Variants in IFT122 observed in about 807,000 individuals in gnomAD.
The protein encoded by IFT122 is intraflagellar transport 122.
A neutral mutation model predicts 161.6 loss-of-function variants in IFT122; 118 were observed. The observed-to-expected ratio is 0.73, with a 90% CI of 0.63 to 0.85. The LOEUF (loss-of-function observed/expected upper bound fraction) is 0.85, where lower values mean the gene tolerates loss of function less well. Ranked by LOEUF, IFT122 falls within the 40% of genes least tolerant of loss-of-function variation. IFT122 has a pLI of 0.00. For synonymous variants in IFT122, 550 were observed against 602.4 expected, an observed-to-expected ratio of 0.91 and a Z score of 1.27; for missense variants, 1,381 against 1,579.6, an observed-to-expected ratio of 0.87 and a Z score of 2.13.
At chr3:129,449,016 G>A (rs1398028127) in intron 1 of IFT122, among the ~76,000 whole-genome samples, 1 of 152,136 alleles carries the variant, frequency 6.6e-6, no homozygotes, top group Non-Finnish European at 1.5e-5. Context: ...GCCTATCTAT[G>A]TTTGCAGCTC....
At chr3:129,444,860 G>A (rs1219411140) in intron 1 of IFT122, among the ~76,000 whole-genome samples, 1 of 152,204 alleles carries the variant, frequency 6.6e-6, no homozygotes, top group Non-Finnish European at 1.5e-5. Context: ...TTGAATAACT[G>A]TGAAGAGTTT....
chr3:129,461,331 C>T, intron 5 of IFT122, 27 bp downstream of exon 5: 1 of 1,537,130 alleles, frequency 6.5e-7, no homozygotes, highest in Non-Finnish European at 9.0e-7. Context: ...GATGTCCTGT[C>T]CTGGAATAAC....
At chr3:129,519,364 G>A (rs2084455781) in intron 28 of IFT122, among the ~76,000 whole-genome samples, 178 bp downstream of exon 28, 1 of 152,204 alleles carries the variant, frequency 6.6e-6, no homozygotes, top group South Asian at 2.1e-4. Flanking sequence ...GGCTGCCCCC[G>A]AGGGACCATG....
At chr3:129,486,414 T>TG (rs2079288815) in intron 15 of IFT122, among the ~76,000 whole-genome samples, 2 of 152,248 alleles carry the variant, frequency 1.3e-5, no homozygotes, top group South Asian at 4.1e-4. Flanking sequence ...AAATTTCTAT[T>TG]ATTATTTCTC....
chr3:129,494,642 G>C (rs1167348093), intron 17 of IFT122, among the ~76,000 whole-genome samples: 2 of 152,104 alleles, frequency 1.3e-5, no homozygotes, highest in Non-Finnish European at 2.9e-5. Context: ...ACAAGCGAAT[G>C]TTCCCTGACA....
chr3:129,463,493 T>A, intron 5 of IFT122, 67 bp from the exon 6 acceptor site: 2 of 1,242,302 alleles, frequency 1.6e-6, no homozygotes, highest in Non-Finnish European at 2.4e-6. Flanking sequence ...TTCAATTATT[T>A]GTTCCTTTTT....
At chr3:129,464,072 A>G (rs1481232396) in intron 6 of IFT122, among the ~76,000 whole-genome samples, 1 of 152,260 alleles carries the variant, frequency 6.6e-6, no homozygotes, top group Non-Finnish European at 1.5e-5. Flanking sequence ...AGATAGGGAT[A>G]AAAATACTGA....
chr3:129,495,417 G>T (rs1413252851), intron 17 of IFT122, 29 bp from the exon 18 acceptor site: 3 of 1,613,250 alleles, frequency 1.9e-6, no homozygotes, highest in Non-Finnish European at 2.5e-6. Context: ...GGCTGCAGAG[G>T]CCATTTCCTT....
chr3:129,440,455 G>T, intron 1 of IFT122, 84 bp downstream of exon 1: 1 of 1,494,506 alleles, frequency 6.7e-7, no homozygotes, highest in Non-Finnish European at 9.1e-7. Flanking sequence ...TTTGAGGGGG[G>T]CAGCGGGCTT....
chr3:129,481,375 C>G (rs568668865), intron 13 of IFT122, 155 bp from the exon 14 acceptor site: 12 of 731,742 alleles, frequency 1.6e-5, no homozygotes, highest in Admixed American at 8.2e-5. Flanking sequence ...CCCCACCCCC[C>G]TCTTTCTTTT....
chr3:129,446,800 A>G (rs2074058762), intron 1 of IFT122, among the ~76,000 whole-genome samples: 1 of 152,058 alleles, frequency 6.6e-6, no homozygotes, highest in Non-Finnish European at 1.5e-5. Flanking sequence ...ACAGAGTTTG[A>G]TTTTTTGTTG....
chr3:129,450,478 TTCTG>T (rs1274839205), intron 2 of IFT122, among the ~76,000 whole-genome samples: 14 of 152,228 alleles, frequency 9.2e-5, no homozygotes, highest in Non-Finnish European at 1.9e-4. Flanking sequence ...TGATCTCTCT[TTCTG>T]TCTAAGTCTA....
At chr3:129,512,120 CCA>C (rs1461869015) in intron 23 of IFT122, among the ~76,000 whole-genome samples, 190 bp from the exon 24 acceptor site, 2 of 152,134 alleles carry the variant, frequency 1.3e-5, no homozygotes, top group Non-Finnish European at 2.9e-5. Context: ...AAAATGCATA[CCA>C]CAAGGTTATT....
intron 8 of IFT122, among the ~76,000 whole-genome samples, chr3:129,468,801 T>C (rs1425814439): frequency 6.6e-6 from 1 of 152,226 alleles, no homozygotes; most frequent in Non-Finnish European, 1.5e-5. Context: ...CCCATTGCTC[T>C]TTTTTGAAAA....
At chr3:129,461,819 C>T (rs911838584) in intron 5 of IFT122, among the ~76,000 whole-genome samples, 52 of 152,202 alleles carry the variant, frequency 3.4e-4, no homozygotes, top group African/African-American at 1.2e-3. Flanking sequence ...ATCCTGGCCA[C>T]GGTCCCGTGC....
At chr3:129,459,744 TCTTCCTTCCTTCCTTC>T (rs68095952) in intron 4 of IFT122, among the ~76,000 whole-genome samples, 15 of 98,630 alleles carry the variant, frequency 1.5e-4, no homozygotes, top group African/African-American at 5.2e-4. Flanking sequence ...CTCCCTCCCT[TCTTCCTTCCTTCCTTC>T]CTTCCTTCCT....
chr3:129,489,897 T>G (rs1371267130), intron 16 of IFT122, among the ~76,000 whole-genome samples: 1 of 150,736 alleles, frequency 6.6e-6, no homozygotes, highest in African/African-American at 2.4e-5. Context: ...GGAGGGAGCT[T>G]CCCTCTCCTG....
rs2080020147 is a variant in IFT122 at position 129,491,041 on chromosome 3, G to A, written c.1993-1100G>A. On this transcript the variant is annotated intron_variant, in intron 16 of 29. Transcript: ENST00000348417. ...TCTGTTTAATTGACCAGCTTTCCCTGTTAGAATGTGGACCTCTGAATTGTG... is the reference window on the plus strand; with the variant it reads ...TCTGTTTAATTGACCAGCTTTCCCTATTAGAATGTGGACCTCTGAATTGTG... Among the ~76,000 whole-genome samples the A allele has an allele frequency of 2.0e-5, 3 of 152,316 alleles. No individual in the cohort carries two copies. The South Asian group carries it at 6.2e-4, about 32-fold the overall frequency.
At chr3:129,456,568 C>T (rs111965736) in intron 3 of IFT122, among the ~76,000 whole-genome samples, 13,772 of 151,960 alleles carry the variant, frequency 0.091, 691 homozygotes, top group South Asian at 0.13. Flanking sequence ...ACCTGGGAGG[C>T]GGAGATTGCA....
Sources: gnomAD v4.1 joint callset for allele counts (sites outside exome capture counted in the v4.1 genomes callset) on GRCh38, gnomAD v4.1.1 for gene constraint, MANE v1.5 for transcripts, NCBI Gene and HGNC (gene_info 2026-07-23, HGNC 2026-07-21) for gene names.